Variants in GRAMD1C observed in about 807,000 individuals in gnomAD.
The protein encoded by GRAMD1C is protein Aster-C.
Under a neutral mutation model 97.8 loss-of-function variants are expected in GRAMD1C, and 89 were observed. The ratio of observed to expected loss-of-function variants is 0.91; its 90% CI spans 0.77 to 1.09. The LOEUF is 1.09. GRAMD1C is among the 50% of genes least tolerant of loss of function. The probability of loss-of-function intolerance (pLI) is 0.00; values close to 1 mark genes in which losing one functional copy is unlikely to be tolerated. For missense variants in GRAMD1C, 740 were observed against 766.4 expected (o/e 0.97, Z 0.41); for synonymous variants, 256 against 267.0 (o/e 0.96, Z 0.40).
chr3:113,887,838 A>G (rs1343183509), intron 6 of GRAMD1C, among the ~76,000 whole-genome samples: 3 of 152,096 alleles, frequency 2.0e-5, no homozygotes, highest in African/African-American at 7.2e-5. Context: ...AAAAATAAGA[A>G]AATTATAAGG....
At chr3:113,895,751 G>A (rs1935913709) in intron 6 of GRAMD1C, among the ~76,000 whole-genome samples, 1 of 152,036 alleles carries the variant, frequency 6.6e-6, no homozygotes, top group Non-Finnish European at 1.5e-5. Context: ...CTTGGTCAGT[G>A]AGCTACACCG....
chr3:113,864,861 C>G (rs1252952209), intron 2 of GRAMD1C, among the ~76,000 whole-genome samples: 3 of 152,176 alleles, frequency 2.0e-5, no homozygotes, highest in Admixed American at 2.0e-4. Flanking sequence ...CTTCCAGCCT[C>G]TAACCATCAC....
At chr3:113,885,572 C>G in intron 6 of GRAMD1C, 3 of 1,558,666 alleles carry the variant, frequency 1.9e-6, no homozygotes, top group Non-Finnish European at 2.7e-6. Flanking sequence ...GGCCTCCTGA[C>G]TTCATCCTCA....
At chr3:113,900,146 G>A (rs1358561258) in intron 6 of GRAMD1C, among the ~76,000 whole-genome samples, 1 of 151,818 alleles carries the variant, frequency 6.6e-6, no homozygotes, top group African/African-American at 2.4e-5. Context: ...ATCACTTGAG[G>A]TCAGGAGTTC....
chr3:113,897,287 A>C (rs2107439032), intron 6 of GRAMD1C, among the ~76,000 whole-genome samples: 1 of 152,330 alleles, frequency 6.6e-6, no homozygotes, highest in Non-Finnish European at 1.5e-5. Flanking sequence ...TAATATAGTT[A>C]ATTTTAAAGA....
chr3:113,939,964 C>T lies in GRAMD1C; in HGVS notation c.1770C>T (p.Tyr590=). ...SKIEHAAQSF[Y]RLRLQEEKSL... ...TAGAACATGCTGCTCAGTCCTTTTA[C>T]CGTCTCCGCCTCCAAGAAGAGAAAT... The change falls in exon 16 of 18, where the codon TAC becomes TAT. Residue 590 remains tyrosine, a synonymous_variant. Transcript: ENST00000358160. 1 of 1,598,118 alleles carries T rather than the reference C, an allele frequency of 6.3e-7. No homozygotes were observed. The highest frequency in any genetic ancestry group is 8.6e-7 in the Non-Finnish European group (1 of 1,165,404).
intron 2 of GRAMD1C, chr3:113,850,328 G>T: frequency 1.4e-6 from 1 of 725,662 alleles, no homozygotes. Flanking sequence ...TTTCTTGTTG[G>T]CACCAGGGGG....
At chr3:113,932,540 C>T (rs1292488187) in intron 11 of GRAMD1C, among the ~76,000 whole-genome samples, 2 of 152,130 alleles carry the variant, frequency 1.3e-5, no homozygotes, top group Non-Finnish European at 2.9e-5. Context: ...AGGTGGGATC[C>T]TTACTTCATT....
chr3:113,938,240 GAA>G, intron 15 of GRAMD1C, 97 bp downstream of exon 15: 1 of 554,952 alleles, frequency 1.8e-6, no homozygotes. Flanking sequence ...TTATTGTGTA[GAA>G]ATTGCCACTA....
At chr3:113,845,904 G>A (rs1277486912) in intron 2 of GRAMD1C, among the ~76,000 whole-genome samples, 1 of 117,914 alleles carries the variant, frequency 8.5e-6, no homozygotes, top group African/African-American at 3.3e-5. Flanking sequence ...ATCTTAACGT[G>A]ACTAAAACGT....
chr3:113,877,396 A>G (rs1935088840), intron 5 of GRAMD1C, among the ~76,000 whole-genome samples: 2 of 152,216 alleles, frequency 1.3e-5, no homozygotes, highest in Non-Finnish European at 1.5e-5. Context: ...CTATCCCAAT[A>G]ATATCCTTTA....
rs530311716 is a variant in GRAMD1C at position 113,930,307 on chromosome 3, T to C, written c.1091-407T>C. Among the ~76,000 whole-genome samples the C allele has an allele frequency of 7.9e-5, 12 of 152,338 alleles. No individual in the cohort carries two copies. In the South Asian group the frequency reaches 2.5e-3, roughly 32 times the overall value. ...ATATCAAGGTCATATGGTTTCTTAA[T>C]GACAAAAATATTTTAAAGTTTTGTC... is the stretch of plus-strand genomic sequence containing the variant. On this transcript the variant is annotated intron_variant, in intron 10 of 17. Transcript: ENST00000358160.
chr3:113,921,540 C>T (rs1937055152), intron 10 of GRAMD1C, among the ~76,000 whole-genome samples: 1 of 152,190 alleles, frequency 6.6e-6, no homozygotes, highest in Non-Finnish European at 1.5e-5. Context: ...TGCCAAATTG[C>T]TTTCCACAAT....
intron 6 of GRAMD1C, among the ~76,000 whole-genome samples, chr3:113,888,652 T>A (rs1002370818): frequency 6.6e-6 from 1 of 152,208 alleles, no homozygotes; most frequent in Non-Finnish European, 1.5e-5. Flanking sequence ...TAATTATACT[T>A]CAGTAAAGCT....
chr3:113,850,618 T>G (rs1000289126), intron 2 of GRAMD1C: 7 of 1,607,470 alleles, frequency 4.4e-6, no homozygotes, highest in Non-Finnish European at 5.9e-6. Flanking sequence ...TTGGGCACAT[T>G]CTTGTCTGCC....
intron 3 of GRAMD1C, among the ~76,000 whole-genome samples, chr3:113,871,137 T>G (rs949212065): frequency 6.6e-6 from 1 of 152,168 alleles, no homozygotes; most frequent in South Asian, 2.1e-4. Flanking sequence ...TATATTTACC[T>G]CCAGAAAAAT....
chr3:113,863,411 C>T (rs1046442529), intron 2 of GRAMD1C, among the ~76,000 whole-genome samples: 3 of 151,978 alleles, frequency 2.0e-5, no homozygotes, highest in Non-Finnish European at 4.4e-5. Context: ...TATGAAATTT[C>T]CAGAATTAGC....
At chr3:113,901,602 G>A (rs905003993) in intron 7 of GRAMD1C, among the ~76,000 whole-genome samples, 1 of 152,164 alleles carries the variant, frequency 6.6e-6, no homozygotes, top group Non-Finnish European at 1.5e-5. Flanking sequence ...ACCGTGGAAT[G>A]CAAATAATTG....
At chr3:113,879,641 G>A (rs1157680443) in intron 5 of GRAMD1C, among the ~76,000 whole-genome samples, 6 of 151,366 alleles carry the variant, frequency 4.0e-5, no homozygotes, top group African/African-American at 1.5e-4. Context: ...CATATGTGGA[G>A]GCTGTTACTC....
Sources: gnomAD v4.1 joint callset for allele counts (sites outside exome capture counted in the v4.1 genomes callset) on GRCh38, gnomAD v4.1.1 for gene constraint, MANE v1.5 for transcripts, NCBI Gene and HGNC (gene_info 2026-07-23, HGNC 2026-07-21) for gene names.